BTBD2: variants seen among roughly 807,000 people sequenced by gnomAD.
BTBD2 encodes BTB/POZ domain-containing protein 2.
BTBD2 carries 15 observed loss-of-function variants against 44.0 expected under a neutral mutation model. The observed-to-expected ratio is 0.34, with a 90% confidence interval of 0.23 to 0.53. BTBD2 has a LOEUF of 0.53. BTBD2 is among the 20% of genes least tolerant of loss of function. The pLI, the probability that BTBD2 is intolerant of heterozygous loss-of-function variation, is 0.95. For synonymous variants in BTBD2, 443 were observed against 335.9 expected (o/e 1.32, Z -3.49); for missense variants, 657 against 746.4 (o/e 0.88, Z 1.39).
At chr19:2,009,986 T>A (rs2016443310) in intron 1 of BTBD2, among the ~76,000 whole-genome samples, 1 of 120,768 alleles carries the variant, frequency 8.3e-6, no homozygotes, top group Admixed American at 8.3e-5. Flanking sequence ...AAACCCCGTC[T>A]CTACTAAAAA....
Position 1,986,566 on chromosome 19 carries a change from G to C in BTBD2, c.1500C>G (p.Thr500=), listed in dbSNP as rs761676488. ...SPTTGAKTCF[T]FCYAAGNNNG... ...TGTTGTTCCCGGCCGCGTAGCAAAAGGTGAAGCAGGTCTTGGCGCCCGTGG... is the reference window on the plus strand; with the variant it reads ...TGTTGTTCCCGGCCGCGTAGCAAAACGTGAAGCAGGTCTTGGCGCCCGTGG... Residue 500 remains threonine, a synonymous_variant, in exon 9 of 9, where the codon ACC becomes ACG. Transcript: ENST00000255608. 6 of 1,613,988 alleles carry C rather than the reference G, an allele frequency of 3.7e-6. No individual in the cohort carries two copies. The East Asian group carries it at 1.3e-4, about 36-fold the overall frequency.
In BTBD2 at chr19:1,986,480, C is replaced by G; in HGVS notation, c.*8G>C. On this transcript the variant is annotated 3_prime_UTR_variant, in exon 9 of 9. Coordinates refer to ENST00000255608, the MANE Select transcript of BTBD2 (RefSeq NM_017797.4). Reference sequence around the variant, plus strand: ...CACGGAGGGAGGGCGGTGTCGGTGTCGGGCAGCCTAGGTGTAGAAGATGAC... The same window carrying G: ...CACGGAGGGAGGGCGGTGTCGGTGTGGGGCAGCCTAGGTGTAGAAGATGAC... The G allele has an allele frequency of 6.2e-7, 1 of 1,611,750 alleles. No homozygotes were observed. The highest frequency in any genetic ancestry group is 8.5e-7 in the Non-Finnish European group (1 of 1,178,260).
chr19:2,013,246 C>G (rs1234341902), intron 1 of BTBD2, among the ~76,000 whole-genome samples: 4 of 152,216 alleles, frequency 2.6e-5, no homozygotes, highest in Non-Finnish European at 5.9e-5. Context: ...GTGCCCGCAG[C>G]AAGAAAACCC....
intron 4 of BTBD2, 29 bp downstream of exon 4, chr19:1,990,688 T>G: frequency 6.4e-7 from 1 of 1,563,368 alleles, no homozygotes; most frequent in East Asian, 2.4e-5. Flanking sequence ...CCCGCTGGGA[T>G]TCCCACACCT....
chr19:1,989,529 C>T (rs928286445), intron 5 of BTBD2: 3 of 185,778 alleles, frequency 1.6e-5, no homozygotes, highest in South Asian at 8.9e-5. Flanking sequence ...AGCTGGATGG[C>T]GTCAGGCAGT....
chr19:1,994,607 A>T (rs2016226176), intron 2 of BTBD2, among the ~76,000 whole-genome samples: 1 of 151,828 alleles, frequency 6.6e-6, no homozygotes, highest in Admixed American at 6.6e-5. Context: ...AAAAATACAA[A>T]AATTAGCCAG....
intron 1 of BTBD2, among the ~76,000 whole-genome samples, chr19:1,999,680 GC>G (rs1208138283): frequency 7.3e-5 from 11 of 151,044 alleles, no homozygotes; most frequent in Middle Eastern, 3.5e-3. Context: ...AAAAAAAAAG[GC>G]CAGGTGCAGT....
intron 5 of BTBD2, 68 bp downstream of exon 5, chr19:1,989,936 C>G: frequency 6.4e-7 from 1 of 1,552,894 alleles, no homozygotes; most frequent in Non-Finnish European, 8.8e-7. Flanking sequence ...GCACTATCCT[C>G]GGTACCCAGA....
intron 5 of BTBD2, 37 bp downstream of exon 5, chr19:1,989,952 ACCTGTGTGCCACTCC>A: frequency 6.3e-7 from 1 of 1,597,492 alleles, no homozygotes; most frequent in Non-Finnish European, 8.6e-7. Flanking sequence ...CCAGATGCCC[ACCTGTGTGCCACTCC>A]CCTCCCAAAC....
At chr19:1,999,195 CCA>C (rs965034941) in intron 1 of BTBD2, among the ~76,000 whole-genome samples, 3 of 151,498 alleles carry the variant, frequency 2.0e-5, no homozygotes, top group East Asian at 1.9e-4. Context: ...TGACTGCACC[CCA>C]GAGTCAGGTC....
At position 1,990,130 on chromosome 19, in the gene BTBD2, G is replaced by A. The variant is rs747021203; in HGVS notation, c.862C>T (p.Arg288Cys). Residue 288 changes from arginine to cysteine, a missense_variant, in exon 5 of 9, where the codon CGC (arginine) becomes TGC (cysteine). Physicochemically the swap from Arg to Cys is radical, Grantham distance 180. Around this residue, in one of 3 missense-constraint regions of BTBD2, gnomAD observed 449 missense variants for 510.9 expected, o/e 0.88. Coordinates refer to ENST00000255608, the MANE Select transcript of BTBD2 (RefSeq NM_017797.4). ...CGCTGACACTCGGCCTCGGACCAGC[G>A]GACAACGGCATTGAACAGCCGCACC... ...REVRLFNAVV[R>C]WSEAECQRQQ... 7.4e-6 allele frequency: 12 copies of A among 1,612,302 alleles called. No individual in the cohort carries two copies. The highest frequency in any genetic ancestry group is 1.7e-5 in the Admixed American group (1 of 59,944).
At chr19:1,993,355 C>T (rs1221426121) in intron 2 of BTBD2, among the ~76,000 whole-genome samples, 179 bp from the exon 3 acceptor site, 1 of 152,236 alleles carries the variant, frequency 6.6e-6, no homozygotes, top group African/African-American at 2.4e-5. Flanking sequence ...CCGTTGCCCT[C>T]TGACATAGGG....
At chr19:2,012,162 A>T (rs200232604) in intron 1 of BTBD2, among the ~76,000 whole-genome samples, 1 of 122,024 alleles carries the variant, frequency 8.2e-6, no homozygotes, top group East Asian at 2.2e-4. Flanking sequence ...CCTGTCCTTT[A>T]TTTTTTTTGA....
chr19:2,004,906 G>A (rs1037841137), intron 1 of BTBD2, among the ~76,000 whole-genome samples: 8 of 150,570 alleles, frequency 5.3e-5, no homozygotes, highest in South Asian at 2.1e-4. Context: ...ACTGCAACCC[G>A]TCTCCCAAGT....
At chr19:2,008,214 G>A (rs1466574517) in intron 1 of BTBD2, among the ~76,000 whole-genome samples, 5 of 151,930 alleles carry the variant, frequency 3.3e-5, no homozygotes, top group African/African-American at 1.2e-4. Context: ...ATGTTTGCCA[G>A]GCTGCTCTCA....
At chr19:1,987,922 G>A in intron 5 of BTBD2, 1 of 555,638 alleles carries the variant, frequency 1.8e-6, no homozygotes. Context: ...CTCACTCAGG[G>A]GCGATGCCTC....
chr19:1,989,948 G>A, intron 5 of BTBD2, 56 bp downstream of exon 5: 1 of 1,588,496 alleles, frequency 6.3e-7, no homozygotes, highest in Non-Finnish European at 8.6e-7. Flanking sequence ...GTACCCAGAT[G>A]CCCACCTGTG....
rs562942493 is a variant in BTBD2 at position 2,001,988 on chromosome 19, G to A, written c.408-4525C>T. The stretch of plus-strand genomic sequence containing the variant: ...ACTCCTGACGTCAGATGATCCGCCC[G>A]CCTCCGTCTCCCAAAGTGCTGGGAT... On this transcript the variant is annotated intron_variant, in intron 1 of 8. Coordinates refer to ENST00000255608, the MANE Select transcript of BTBD2 (RefSeq NM_017797.4). 2.0e-5 allele frequency among the ~76,000 whole-genome samples: 3 copies of A among 152,268 alleles called. No individual in the cohort carries two copies. In the South Asian group the frequency reaches 6.2e-4, roughly 32 times the overall value.
intron 2 of BTBD2, 46 bp downstream of exon 2, chr19:1,997,298 C>G (rs1418116908): frequency 6.2e-7 from 1 of 1,612,264 alleles, no homozygotes; most frequent in Non-Finnish European, 8.5e-7. Flanking sequence ...CTGAGGTCCC[C>G]CTCCCCAGGC....
Sources: gnomAD v4.1 joint callset for allele counts (sites outside exome capture counted in the v4.1 genomes callset) on GRCh38, gnomAD v4.1.1 for gene constraint, gnomAD v4.1.1 regional missense constraint, MANE v1.5 for transcripts, NCBI Gene and HGNC (gene_info 2026-07-23, HGNC 2026-07-21) for gene names.